LRBA: variants seen among roughly 807,000 people sequenced by gnomAD.
The protein encoded by LRBA is LPS responsive beige-like anchor protein.
A neutral mutation model predicts 330.0 loss-of-function variants in LRBA; 176 were observed. That is an observed-to-expected ratio of 0.53 (90% confidence interval 0.47 to 0.60). The LOEUF (loss-of-function observed/expected upper bound fraction) is 0.60. Ranked by LOEUF, LRBA falls within the 20% of genes least tolerant of loss-of-function variation. The pLI, the probability that LRBA is intolerant of heterozygous loss-of-function variation, is 0.00. For missense variants in LRBA, 3,259 were observed against 3,444.8 expected, an observed-to-expected ratio of 0.95 and a Z score of 1.35; for synonymous variants, 1,230 against 1,193.0, an observed-to-expected ratio of 1.03 and a Z score of -0.64.
intron 2 of LRBA, among the ~76,000 whole-genome samples, chr4:150,941,035 A>G (rs1374510687): frequency 2.0e-5 from 3 of 151,846 alleles, no homozygotes; most frequent in African/African-American, 7.3e-5. Flanking sequence ...TAAATTTTAG[A>G]TTGTAAATTT....
At chr4:150,714,420 T>C (rs1298986103) in intron 36 of LRBA, among the ~76,000 whole-genome samples, 1 of 152,200 alleles carries the variant, frequency 6.6e-6, no homozygotes, top group Non-Finnish European at 1.5e-5. Flanking sequence ...CAAACTTCAC[T>C]AGACTTATTT....
chr4:150,781,389 G>C (rs1356767358), intron 34 of LRBA, among the ~76,000 whole-genome samples: 1 of 152,186 alleles, frequency 6.6e-6, no homozygotes, highest in Non-Finnish European at 1.5e-5. Context: ...TTCACAACAG[G>C]GTTCATGCTC....
chr4:150,401,482 A>C (rs537009754), intron 47 of LRBA, among the ~76,000 whole-genome samples: 1 of 152,286 alleles, frequency 6.6e-6, no homozygotes, highest in East Asian at 1.9e-4. Context: ...CATGATGTTA[A>C]GTGAGGACTT....
intron 33 of LRBA, among the ~76,000 whole-genome samples, chr4:150,798,439 A>G (rs1741115168): frequency 6.6e-6 from 1 of 152,212 alleles, no homozygotes; most frequent in South Asian, 2.1e-4. Context: ...ATATTGATCA[A>G]TATCATCTAC....
intron 36 of LRBA, among the ~76,000 whole-genome samples, chr4:150,684,266 G>T (rs1783321447): frequency 1.3e-5 from 2 of 152,288 alleles, no homozygotes; most frequent in East Asian, 3.9e-4. Flanking sequence ...TGGCAGTTAT[G>T]AGGCCACTGC....
At chr4:150,745,512 T>A (rs1397320769) in intron 35 of LRBA, among the ~76,000 whole-genome samples, 1 of 152,008 alleles carries the variant, frequency 6.6e-6, no homozygotes, top group Admixed American at 6.6e-5. Context: ...ACCTTTGTTT[T>A]TTGTTTTTTG....
intron 40 of LRBA, among the ~76,000 whole-genome samples, chr4:150,507,160 A>AT (rs1477699653): frequency 6.6e-5 from 10 of 151,516 alleles, no homozygotes; most frequent in Admixed American, 1.3e-4. Flanking sequence ...GCCCAAGGTA[A>AT]TTTATAGATT....
At chr4:150,314,279 T>C (rs1374511555) in intron 51 of LRBA, among the ~76,000 whole-genome samples, 1 of 152,170 alleles carries the variant, frequency 6.6e-6, no homozygotes, top group Non-Finnish European at 1.5e-5. Context: ...GTGAGCATTT[T>C]AGTTTTTTTA....
chr4:150,798,044 A>C (rs374792447), intron 34 of LRBA, 37 bp downstream of exon 34: 56 of 1,395,470 alleles, frequency 4.0e-5, no homozygotes, highest in Non-Finnish European at 5.0e-5. Context: ...TCATGTGATA[A>C]TCTACTTTTA....
At chr4:150,952,653 G>A (rs1251917074) in intron 2 of LRBA, among the ~76,000 whole-genome samples, 3 of 151,936 alleles carry the variant, frequency 2.0e-5, no homozygotes, top group Non-Finnish European at 4.4e-5. Context: ...CTCTCTGTGC[G>A]TGGGGTGGGC....
At chr4:150,737,093 C>A (rs1046606404) in intron 35 of LRBA, among the ~76,000 whole-genome samples, 2 of 152,022 alleles carry the variant, frequency 1.3e-5, no homozygotes, top group Admixed American at 1.3e-4. Context: ...TAGTGCATGC[C>A]TATGGTCCCA....
At chr4:150,339,310 C>T (rs1231077515) in intron 48 of LRBA, among the ~76,000 whole-genome samples, 2 of 152,048 alleles carry the variant, frequency 1.3e-5, no homozygotes, top group South Asian at 2.1e-4. Context: ...GTCAAAGTTA[C>T]ACGAAGATCA....
At chr4:150,930,641 C>G (rs1242730405) in intron 2 of LRBA, among the ~76,000 whole-genome samples, 2 of 152,086 alleles carry the variant, frequency 1.3e-5, no homozygotes, top group Non-Finnish European at 2.9e-5. Context: ...ACATGTATCC[C>G]AGGTTCTGAC....
chr4:150,400,498 A>G (rs1330532375), intron 47 of LRBA, among the ~76,000 whole-genome samples: 1 of 152,022 alleles, frequency 6.6e-6, no homozygotes. Flanking sequence ...GCATAATGGA[A>G]TAACTATAAT....
chr4:150,845,151 T>C (rs1249982901), intron 26 of LRBA, among the ~76,000 whole-genome samples: 2 of 152,126 alleles, frequency 1.3e-5, no homozygotes, highest in Admixed American at 6.5e-5. Context: ...TTGAAAGAAA[T>C]GGAAGAAAAC....
chr4:150,887,503 G>GT (rs1192457870), intron 17 of LRBA, among the ~76,000 whole-genome samples: 1 of 152,124 alleles, frequency 6.6e-6, no homozygotes, highest in Non-Finnish European at 1.5e-5. Flanking sequence ...GCCGGGTGTG[G>GT]TGGCTCACGT....
intron 37 of LRBA, among the ~76,000 whole-genome samples, chr4:150,636,790 G>A (rs939115632): frequency 1.1e-4 from 16 of 152,086 alleles, no homozygotes; most frequent in African/African-American, 3.9e-4. Context: ...TGGCACCACA[G>A]ACATGCACTA....
intron 37 of LRBA, among the ~76,000 whole-genome samples, chr4:150,672,072 G>A (rs1423820257): frequency 6.6e-6 from 1 of 152,150 alleles, no homozygotes; most frequent in Non-Finnish European, 1.5e-5. Flanking sequence ...CATTTTGTTA[G>A]TCAAAAGCAA....
chr4:150,589,177 T>C (rs1772509453), intron 39 of LRBA, among the ~76,000 whole-genome samples: 1 of 152,114 alleles, frequency 6.6e-6, no homozygotes, highest in Admixed American at 6.5e-5. Flanking sequence ...GATTGGCACT[T>C]ATAGTTCTGA....
Sources: allele counts gnomAD v4.1 joint callset (sites outside exome capture counted in the v4.1 genomes callset), GRCh38; gene constraint gnomAD v4.1.1; transcripts MANE v1.5; gene names NCBI Gene and HGNC (gene_info 2026-07-23, HGNC 2026-07-21).